Variants in KCND2 observed in about 807,000 individuals in gnomAD.
KCND2 encodes potassium voltage-gated channel subfamily D member 2.
Under a neutral mutation model 54.4 loss-of-function variants are expected in KCND2, and 16 were observed. The ratio of observed to expected loss-of-function variants is 0.29; its 90% CI spans 0.20 to 0.45. The LOEUF is 0.45. KCND2 is among the 20% of genes least tolerant of loss of function. KCND2 has a pLI of 1.00. For missense variants in KCND2, 486 were observed against 824.2 expected (o/e 0.59, Z 5.02); for synonymous variants, 317 against 310.7 (o/e 1.02, Z -0.21).
intron 1 of KCND2, among the ~76,000 whole-genome samples, chr7:120,459,242 C>G (rs572941041): frequency 8.4e-4 from 128 of 152,252 alleles, no homozygotes; most frequent in Non-Finnish European, 1.5e-3. Flanking sequence ...GTTCTTCCGA[C>G]ATAGGATCTG....
chr7:120,368,979 A>T (rs1246579792), intron 1 of KCND2, among the ~76,000 whole-genome samples: 4 of 152,064 alleles, frequency 2.6e-5, no homozygotes, highest in African/African-American at 7.2e-5. Flanking sequence ...TCATTTGCCA[A>T]ACTAAGCTGG....
chr7:120,721,920 A>T (rs541485958), intron 1 of KCND2, among the ~76,000 whole-genome samples: 3 of 152,240 alleles, frequency 2.0e-5, no homozygotes, highest in East Asian at 1.9e-4. Context: ...ATAGTAGTGA[A>T]TAAGTCTCAA....
At chr7:120,514,145 G>A (rs1803161873) in intron 1 of KCND2, among the ~76,000 whole-genome samples, 1 of 152,026 alleles carries the variant, frequency 6.6e-6, no homozygotes, top group Non-Finnish European at 1.5e-5. Flanking sequence ...CAAGGTATAA[G>A]TTCCTGGAAA....
chr7:120,580,573 G>T (rs192499040), intron 1 of KCND2, among the ~76,000 whole-genome samples: 158 of 152,230 alleles, frequency 1.0e-3, no homozygotes, highest in Non-Finnish European at 7.6e-4. Flanking sequence ...ACAAACACCT[G>T]CCCCTGTACC....
At chr7:120,548,430 A>C (rs375893953) in intron 1 of KCND2, among the ~76,000 whole-genome samples, 2 of 152,112 alleles carry the variant, frequency 1.3e-5, no homozygotes, top group African/African-American at 4.8e-5. Context: ...TGTCAATTCT[A>C]TGCAGAATGA....
intron 1 of KCND2, among the ~76,000 whole-genome samples, chr7:120,527,108 A>C (rs1425926311): frequency 2.0e-5 from 3 of 152,120 alleles, no homozygotes; most frequent in Non-Finnish European, 4.4e-5. Flanking sequence ...ACATCAATAT[A>C]TTTACCCTAA....
intron 1 of KCND2, among the ~76,000 whole-genome samples, chr7:120,714,538 T>C (rs1233690092): frequency 6.6e-6 from 1 of 152,112 alleles, no homozygotes; most frequent in Non-Finnish European, 1.5e-5. Context: ...TTTAGAATAA[T>C]AAAACATCAG....
chr7:120,494,365 CAA>C lies in KCND2; in HGVS notation c.1115+218620_1115+218621del, dbSNP rs997605940. On this transcript the variant is annotated intron_variant, in intron 1 of 5. Coordinates refer to ENST00000331113, the MANE Select transcript of KCND2 (RefSeq NM_012281.3). The stretch of plus-strand genomic sequence containing the variant: ...CATGTTTGAAAGGAAACAATTTAAA[CAA>C]AGTCATTTTGTCACATGGAAATGAC... Among the ~76,000 whole-genome samples, 24 of 152,140 alleles carry C rather than the reference CAA, an allele frequency of 1.6e-4. No individual in the cohort carries two copies. In the Middle Eastern group the frequency reaches 0.017, roughly 108 times the overall value.
At chr7:120,685,534 T>C (rs948882382) in intron 1 of KCND2, among the ~76,000 whole-genome samples, 1 of 152,118 alleles carries the variant, frequency 6.6e-6, no homozygotes, top group Non-Finnish European at 1.5e-5. Flanking sequence ...ATTTCACAGC[T>C]GAAGACAGGA....
At chr7:120,515,987 A>G (rs1358076304) in intron 1 of KCND2, among the ~76,000 whole-genome samples, 1 of 152,090 alleles carries the variant, frequency 6.6e-6, no homozygotes, top group African/African-American at 2.4e-5. Context: ...CATTTTAATT[A>G]TACCTCTTCT....
chr7:120,723,009 AG>A (rs1792687777), intron 1 of KCND2, among the ~76,000 whole-genome samples: 1 of 152,184 alleles, frequency 6.6e-6, no homozygotes, highest in African/African-American at 2.4e-5. Context: ...GACAGCCTGC[AG>A]GGCAGCAGCG....
chr7:120,303,635 A>G (rs762877064), intron 1 of KCND2, among the ~76,000 whole-genome samples: 1 of 152,182 alleles, frequency 6.6e-6, no homozygotes, highest in South Asian at 2.1e-4. Flanking sequence ...GGACATTCCA[A>G]CATTTAAAAC....
intron 1 of KCND2, among the ~76,000 whole-genome samples, chr7:120,726,714 A>G (rs895526113): frequency 6.6e-6 from 1 of 152,230 alleles, no homozygotes; most frequent in African/African-American, 2.4e-5. Flanking sequence ...TTCATGTCCC[A>G]TGTGAGTTTC....
At chr7:120,333,952 A>G (rs945104962) in intron 1 of KCND2, among the ~76,000 whole-genome samples, 3 of 152,182 alleles carry the variant, frequency 2.0e-5, no homozygotes, top group Non-Finnish European at 4.4e-5. Context: ...TGTCATGTGT[A>G]TATAATCATT....
At chr7:120,605,149 C>T (rs984140421) in intron 1 of KCND2, among the ~76,000 whole-genome samples, 1 of 152,180 alleles carries the variant, frequency 6.6e-6, no homozygotes, top group African/African-American at 2.4e-5. Context: ...GTTGCACAAC[C>T]ATGACCACTG....
In KCND2 at chr7:120,563,939, A is replaced by G. The variant is rs191643648; in HGVS notation, c.1116-168964A>G. ...TCAGAAAATTTATAAAACTATGCTG[A>G]AATTGCCTCTTTACATATAATCTAT... On this transcript the variant is annotated intron_variant, in intron 1 of 5. Transcript: ENST00000331113. 9.7e-4 allele frequency among the ~76,000 whole-genome samples: 147 copies of G among 152,298 alleles called. 1 individual carries two copies. The highest frequency in any genetic ancestry group is 4.4e-3 in the South Asian group (21 of 4,826).
intron 1 of KCND2, among the ~76,000 whole-genome samples, chr7:120,523,684 G>C (rs1584812514): frequency 1.5e-5 from 2 of 135,002 alleles, no homozygotes; most frequent in East Asian, 4.4e-4. Context: ...TTTATACACA[G>C]ATATACACAC....
At position 120,677,032 on chromosome 7, in the gene KCND2, C is replaced by T. The variant is rs181851666; in HGVS notation, c.1116-55871C>T. ...CATTAAATCCAATGGGTAATACCCA[C>T]GAAAAATCAAGCAAGTGTGTAATCA... On this transcript the variant is annotated intron_variant, in intron 1 of 5. Transcript: ENST00000331113. Among the ~76,000 whole-genome samples the T allele has an allele frequency of 6.3e-3, 966 of 152,196 alleles. 10 individuals are homozygous for T. Among genetic ancestry groups the T allele is most frequent in the Non-Finnish European group, 0.011 (735 of 68,008 alleles).
At chr7:120,632,560 A>AT (rs1311303739) in intron 1 of KCND2, among the ~76,000 whole-genome samples, 2 of 152,134 alleles carry the variant, frequency 1.3e-5, no homozygotes, top group Admixed American at 6.5e-5. Flanking sequence ...TTATAACAAG[A>AT]TTTTTTAAAA....
Sources: gnomAD v4.1 joint callset for allele counts (sites outside exome capture counted in the v4.1 genomes callset) on GRCh38, gnomAD v4.1.1 for gene constraint, MANE v1.5 for transcripts, NCBI Gene and HGNC (gene_info 2026-07-23, HGNC 2026-07-21) for gene names.